Variants in NEK1 observed in about 807,000 individuals in gnomAD.
NEK1 encodes NIMA related kinase 1.
Under a neutral mutation model 182.1 loss-of-function variants are expected in NEK1, and 137 were observed. That is an observed-to-expected ratio of 0.75 (90% CI 0.65 to 0.87). The LOEUF is 0.87. Ranked by LOEUF, NEK1 falls within the 40% of genes least tolerant of loss-of-function variation. NEK1 has a pLI of 0.00. For missense variants in NEK1, 1,391 were observed against 1,494.4 expected, an observed-to-expected ratio of 0.93 and a Z score of 1.14; for synonymous variants, 513 against 492.2, an observed-to-expected ratio of 1.04 and a Z score of -0.56.
intron 23 of NEK1, among the ~76,000 whole-genome samples, chr4:169,484,511 G>A (rs1256374539): frequency 6.6e-6 from 1 of 152,028 alleles, no homozygotes; most frequent in Non-Finnish European, 1.5e-5. Flanking sequence ...TTTCTCTGAG[G>A]GGACTGTAAA....
intron 21 of NEK1, 99 bp downstream of exon 21, chr4:169,508,149 T>G: frequency 9.8e-7 from 1 of 1,023,262 alleles, no homozygotes; most frequent in Non-Finnish European, 1.4e-6. Context: ...CGTCATCAGT[T>G]TTGTTGTTGT....
At chr4:169,396,680 C>T (rs1730785944) in intron 35 of NEK1, among the ~76,000 whole-genome samples, 1 of 152,170 alleles carries the variant, frequency 6.6e-6, no homozygotes. Flanking sequence ...ATAGCTGAGG[C>T]TGTCTTTTCA....
At chr4:169,495,495 G>C (rs923708113) in intron 23 of NEK1, among the ~76,000 whole-genome samples, 6 of 152,078 alleles carry the variant, frequency 3.9e-5, no homozygotes, top group Non-Finnish European at 8.8e-5. Flanking sequence ...GCCCGTCTCG[G>C]CCTCCCAAAG....
At chr4:169,597,866 G>A (rs573462487) in intron 5 of NEK1, among the ~76,000 whole-genome samples, 15 of 152,134 alleles carry the variant, frequency 9.9e-5, no homozygotes, top group Middle Eastern at 3.4e-3. Flanking sequence ...CCCGGAAGGC[G>A]GAGGTTGCAG....
At chr4:169,495,237 G>GTATTTTTTT (rs1201246274) in intron 23 of NEK1, among the ~76,000 whole-genome samples, 4 of 121,024 alleles carry the variant, frequency 3.3e-5, no homozygotes, top group African/African-American at 1.3e-4. Context: ...TAACATTTAA[G>GTATTTTTTT]TCTTTTTTTT....
At chr4:169,524,415 C>A (rs1023512893) in intron 19 of NEK1, among the ~76,000 whole-genome samples, 1 of 142,854 alleles carries the variant, frequency 7.0e-6, no homozygotes, top group Non-Finnish European at 1.5e-5. Flanking sequence ...GAGCCAAGAT[C>A]GTGCCATAGC....
intron 31 of NEK1, among the ~76,000 whole-genome samples, chr4:169,419,229 A>G (rs1652841384): frequency 6.6e-6 from 1 of 152,168 alleles, no homozygotes; most frequent in African/African-American, 2.4e-5. Flanking sequence ...AAGCTCACAT[A>G]TTTCTTAGAA....
At chr4:169,491,401 G>A (rs1750069769) in intron 23 of NEK1, among the ~76,000 whole-genome samples, 1 of 152,112 alleles carries the variant, frequency 6.6e-6, no homozygotes, top group Non-Finnish European at 1.5e-5. Flanking sequence ...CTCGCCATTA[G>A]ACTATCAGCA....
intron 27 of NEK1, among the ~76,000 whole-genome samples, chr4:169,445,849 C>CATATATATATATATATATATAT (rs70964204): frequency 3.6e-5 from 5 of 140,222 alleles, no homozygotes; most frequent in African/African-American, 1.5e-4. Flanking sequence ...CAACTATATA[C>CATATATATATATATATATATAT]ATATATATAT....
chr4:169,561,435 G>A (rs1762885123), intron 16 of NEK1, 45 bp downstream of exon 16: 1 of 1,522,012 alleles, frequency 6.6e-7, no homozygotes, highest in Non-Finnish European at 9.1e-7. Flanking sequence ...AGGTGGAACT[G>A]GAGGGGAAAA....
intron 28 of NEK1, among the ~76,000 whole-genome samples, chr4:169,436,171 C>A (rs180736990): frequency 6.6e-6 from 1 of 152,124 alleles, no homozygotes; most frequent in Admixed American, 6.5e-5. Flanking sequence ...CCCAAAGTGC[C>A]GGGATTACAG....
At chr4:169,486,633 C>G (rs1008622952) in intron 23 of NEK1, among the ~76,000 whole-genome samples, 1 of 152,064 alleles carries the variant, frequency 6.6e-6, no homozygotes, top group Non-Finnish European at 1.5e-5. Flanking sequence ...TTTGAAGAAC[C>G]AATAGTATAA....
intron 19 of NEK1, among the ~76,000 whole-genome samples, chr4:169,529,611 A>C (rs1393144747): frequency 6.6e-6 from 1 of 152,210 alleles, no homozygotes; most frequent in Non-Finnish European, 1.5e-5. Context: ...ATCCTCTGCA[A>C]AAGATTCTGT....
At chr4:169,531,101 T>C (rs1452332360) in intron 19 of NEK1, among the ~76,000 whole-genome samples, 1 of 151,918 alleles carries the variant, frequency 6.6e-6, no homozygotes, top group African/African-American at 2.4e-5. Context: ...AAAATAATTC[T>C]ATAGAAGGCA....
At chr4:169,605,054 C>T (rs866645965) in intron 2 of NEK1, among the ~76,000 whole-genome samples, 10 of 152,022 alleles carry the variant, frequency 6.6e-5, no homozygotes, top group Non-Finnish European at 8.8e-5. Context: ...TCAAGATAAA[C>T]TCATCTTAGT....
chr4:169,572,565 C>T (rs1443712636), intron 12 of NEK1, among the ~76,000 whole-genome samples: 1 of 152,048 alleles, frequency 6.6e-6, no homozygotes, highest in Admixed American at 6.6e-5. Flanking sequence ...AGATGTTATC[C>T]ATTAGAAAGT....
At chr4:169,608,663 C>A (rs754610514) in intron 2 of NEK1, among the ~76,000 whole-genome samples, 120 of 152,120 alleles carry the variant, frequency 7.9e-4, no homozygotes, top group Non-Finnish European at 1.3e-3. Flanking sequence ...ACACAACAAT[C>A]CAAAAGAAAA....
Position 169,537,890 on chromosome 4 carries a change from T to C in NEK1, c.1584A>G (p.Val528=). Residue 528 remains valine, a synonymous_variant, in exon 19 of 36, where the codon GTA becomes GTG. Transcript: ENST00000507142. ...NANRQKGQLA[V]ERAKQVEEFL... is the part of the protein sequence containing the mutation. ...ACTCTTCTACTTGTTTAGCTCTTTC[T>C]ACAGCTAGCTGCCCTTTTTGCCTAA... The C allele has an allele frequency of 6.2e-7, 1 of 1,604,540 alleles. No homozygotes were observed. The highest frequency in any genetic ancestry group is 1.3e-5 in the African/African-American group (1 of 74,806).
intron 19 of NEK1, among the ~76,000 whole-genome samples, chr4:169,509,543 T>C (rs1298982060): frequency 6.6e-6 from 1 of 152,144 alleles, no homozygotes; most frequent in Non-Finnish European, 1.5e-5. Context: ...ATTTTCCTGC[T>C]TCCCAGTCAT....
Sources: allele counts gnomAD v4.1 joint callset (sites outside exome capture counted in the v4.1 genomes callset), GRCh38; gene constraint gnomAD v4.1.1; transcripts MANE v1.5; gene names NCBI Gene and HGNC (gene_info 2026-07-23, HGNC 2026-07-21).